The following GPATCH2 variants were observed in gnomAD, a reference collection of about 807,000 sequenced individuals.
GPATCH2 encodes G patch domain-containing protein 2.
A neutral mutation model predicts 58.0 loss-of-function variants in GPATCH2; 51 were observed. That is an observed-to-expected ratio of 0.88 (90% CI 0.70 to 1.11). GPATCH2 has a LOEUF of 1.11. GPATCH2 is among the 50% of genes most tolerant of loss of function. GPATCH2 has a pLI of 0.00. For missense variants in GPATCH2, 625 were observed against 652.2 expected, an observed-to-expected ratio of 0.96 and a Z score of 0.45; for synonymous variants, 222 against 218.5, an observed-to-expected ratio of 1.02 and a Z score of -0.14.
At chr1:217,448,934 A>G (rs1217005185) in intron 9 of GPATCH2, among the ~76,000 whole-genome samples, 1 of 152,096 alleles carries the variant, frequency 6.6e-6, no homozygotes, top group Non-Finnish European at 1.5e-5. Flanking sequence ...CATTTCATCT[A>G]TTTATGCCTT....
Position 217,631,069 on chromosome 1 carries a change from A to G in GPATCH2, c.-98T>C. 5 of 1,202,150 alleles carry G rather than the reference A, an allele frequency of 4.2e-6. No individual in the cohort carries two copies. Among genetic ancestry groups the G allele is most frequent in the Non-Finnish European group, 5.8e-6 (5 of 856,272 alleles). 74.5% of individuals were successfully genotyped at this position (1,202,150 alleles called of 1,614,324 possible). On this transcript the variant is annotated 5_prime_UTR_variant, in exon 1 of 10. Coordinates refer to ENST00000366935, the MANE Select transcript of GPATCH2 (RefSeq NM_018040.5). The stretch of plus-strand genomic sequence containing the variant: ...TTCCAAAGAGCAGTTCAGCATTTTG[A>G]GATGAGCTTCCGGAAGCCGACAGGC...
At chr1:217,438,342 A>G (rs958145538) in intron 9 of GPATCH2, among the ~76,000 whole-genome samples, 5 of 152,030 alleles carry the variant, frequency 3.3e-5, no homozygotes, top group African/African-American at 1.2e-4. Context: ...AAGGATCACA[A>G]CTCCTTGCCA....
intron 5 of GPATCH2, among the ~76,000 whole-genome samples, chr1:217,565,413 G>A (rs938722683): frequency 2.0e-5 from 3 of 152,022 alleles, no homozygotes; most frequent in South Asian, 2.1e-4. Flanking sequence ...TATTCTTTAC[G>A]AAATTTAAGG....
At chr1:217,587,061 G>A (rs1013016582) in intron 5 of GPATCH2, among the ~76,000 whole-genome samples, 5 of 152,004 alleles carry the variant, frequency 3.3e-5, no homozygotes, top group African/African-American at 1.2e-4. Flanking sequence ...GGTGCAGGGG[G>A]GAAGTTCTGC....
chr1:217,515,221 C>G (rs554835253), intron 5 of GPATCH2, among the ~76,000 whole-genome samples: 1 of 151,834 alleles, frequency 6.6e-6, no homozygotes, highest in East Asian at 2.0e-4. Flanking sequence ...TCAGCCTCCC[C>G]AGTAGCTGGG....
rs746066253 is a variant in GPATCH2, at chr1:217,619,958, G to T, written c.598C>A (p.Gln200Lys). 6.2e-7 allele frequency: 1 copy of T among 1,613,874 alleles called. No individual in the cohort carries two copies. The highest frequency in any genetic ancestry group is 1.1e-5 in the South Asian group (1 of 91,078). ...DQDMDSDRAY[Q>K]YQEFTKNKVK... is the part of the protein sequence containing the mutation. Reference sequence around the variant, plus strand: ...TTGTTCTTGGTAAATTCTTGATACTGGTAGGCTCTATCACTGTCCATGTCC... The same window carrying T: ...TTGTTCTTGGTAAATTCTTGATACTTGTAGGCTCTATCACTGTCCATGTCC... Residue 200 changes from glutamine to lysine, a missense_variant, in exon 2 of 10, where the codon CAG becomes AAG. Gln to Lys is a moderately conservative substitution (Grantham distance 53, BLOSUM62 1). Transcript: ENST00000366935.
chr1:217,468,560 CACAG>C (rs1463987641), intron 8 of GPATCH2, among the ~76,000 whole-genome samples: 50 of 115,198 alleles, frequency 4.3e-4, no homozygotes, highest in Admixed American at 9.7e-4. Flanking sequence ...CACACACACA[CACAG>C]AGAGAAAGAG....
chr1:217,592,763 T>G (rs574791297), intron 5 of GPATCH2, among the ~76,000 whole-genome samples: 1 of 151,896 alleles, frequency 6.6e-6, no homozygotes, highest in Non-Finnish European at 1.5e-5. Flanking sequence ...CTGTAAGACA[T>G]AGAGATAGAA....
intron 8 of GPATCH2, among the ~76,000 whole-genome samples, chr1:217,454,103 G>A (rs577346897): frequency 1.3e-5 from 2 of 152,254 alleles, no homozygotes; most frequent in South Asian, 2.1e-4. Context: ...CCAGCCCCAT[G>A]TGAACTTCCT....
chr1:217,576,723 G>A (rs1558497728), intron 5 of GPATCH2, among the ~76,000 whole-genome samples: 1 of 152,146 alleles, frequency 6.6e-6, no homozygotes, highest in Non-Finnish European at 1.5e-5. Context: ...CTCATGACAT[G>A]ATCGCACCAG....
chr1:217,435,414 A>G (rs1658777861), intron 9 of GPATCH2, among the ~76,000 whole-genome samples: 2 of 152,180 alleles, frequency 1.3e-5, no homozygotes, highest in African/African-American at 4.8e-5. Flanking sequence ...GGCCTCTCTT[A>G]GCCACTAATC....
chr1:217,613,273 T>C (rs1218144256), intron 3 of GPATCH2, among the ~76,000 whole-genome samples: 1 of 152,160 alleles, frequency 6.6e-6, no homozygotes, highest in Admixed American at 6.5e-5. Flanking sequence ...TGATCACTTA[T>C]GTTTTTTGTA....
chr1:217,559,090 C>A (rs1176077589), intron 5 of GPATCH2, among the ~76,000 whole-genome samples: 1 of 151,840 alleles, frequency 6.6e-6, no homozygotes, highest in African/African-American at 2.4e-5. Flanking sequence ...AATAATTAAA[C>A]AATTAATTAA....
intron 8 of GPATCH2, among the ~76,000 whole-genome samples, chr1:217,479,020 G>T (rs1297670837): frequency 6.6e-6 from 1 of 151,970 alleles, no homozygotes; most frequent in Non-Finnish European, 1.5e-5. Context: ...CTCTAGAATA[G>T]TTTATCTGGT....
intron 2 of GPATCH2, among the ~76,000 whole-genome samples, chr1:217,615,015 A>T (rs1172699399): frequency 2.0e-5 from 3 of 152,060 alleles, no homozygotes; most frequent in East Asian, 3.9e-4. Context: ...AAATTTAGTG[A>T]TGTTCTTTAA....
At chr1:217,609,251 C>T (rs182503329) in intron 5 of GPATCH2, 3 of 983,762 alleles carry the variant, frequency 3.0e-6, no homozygotes, top group East Asian at 2.3e-4. Flanking sequence ...ATTTCTGACA[C>T]TCACAGTGAC....
chr1:217,443,501 C>T (rs1457072341), intron 9 of GPATCH2, among the ~76,000 whole-genome samples: 1 of 152,038 alleles, frequency 6.6e-6, no homozygotes, highest in African/African-American at 2.4e-5. Context: ...TACAATGTGA[C>T]TTTATTTATA....
intron 5 of GPATCH2, among the ~76,000 whole-genome samples, chr1:217,543,727 G>C (rs1664874622): frequency 2.0e-5 from 3 of 152,190 alleles, no homozygotes; most frequent in African/African-American, 7.2e-5. Flanking sequence ...AGCAAAGCCT[G>C]AAATTAAGTC....
At chr1:217,440,114 T>C (rs1659064869) in intron 9 of GPATCH2, among the ~76,000 whole-genome samples, 1 of 152,286 alleles carries the variant, frequency 6.6e-6, no homozygotes, top group Middle Eastern at 3.4e-3. Context: ...AAATCCTCAA[T>C]AAAATACTGG....
Sources: allele counts gnomAD v4.1 joint callset (sites outside exome capture counted in the v4.1 genomes callset), GRCh38; gene constraint gnomAD v4.1.1; transcripts MANE v1.5; gene names NCBI Gene and HGNC (gene_info 2026-07-23, HGNC 2026-07-21).